Variants in MYO5B observed in about 807,000 individuals in gnomAD.
MYO5B encodes the protein myosin VB, also known as unconventional myosin-Vb.
A neutral mutation model predicts 229.3 loss-of-function variants in MYO5B; 143 were observed. The observed-to-expected ratio is 0.62, with a 90% CI of 0.54 to 0.72. The LOEUF is 0.72. MYO5B is among the 30% of genes least tolerant of loss of function. The pLI is 0.00. For missense variants in MYO5B, 2,321 were observed against 2,331.0 expected, an observed-to-expected ratio of 1.00 and a Z score of 0.09; for synonymous variants, 918 against 885.2, an observed-to-expected ratio of 1.04 and a Z score of -0.66.
intron 1 of MYO5B, among the ~76,000 whole-genome samples, chr18:50,133,250 T>C (rs914496060): frequency 1.5e-5 from 2 of 136,494 alleles, no homozygotes; most frequent in Non-Finnish European, 3.2e-5. Context: ...ATTTTTGTTC[T>C]CTGTCTTCTC....
intron 1 of MYO5B, among the ~76,000 whole-genome samples, chr18:50,075,958 G>A (rs2031068791): frequency 6.6e-6 from 1 of 152,214 alleles, no homozygotes; most frequent in South Asian, 2.1e-4. Flanking sequence ...AGAAGGGCTG[G>A]ACTTTGATTC....
intron 1 of MYO5B, among the ~76,000 whole-genome samples, chr18:50,150,625 T>C (rs142507091): frequency 0.02 from 3,013 of 152,160 alleles, 92 homozygotes; most frequent in African/African-American, 0.069. Flanking sequence ...TAGGTGGGAA[T>C]TGAACAATGG....
chr18:50,085,111 ATT>A (rs1568100543), intron 1 of MYO5B, among the ~76,000 whole-genome samples: 1 of 152,202 alleles, frequency 6.6e-6, no homozygotes, highest in Non-Finnish European at 1.5e-5. Context: ...AGAAACTACC[ATT>A]GGAGTGAACA....
At chr18:50,104,527 T>C (rs939742209) in intron 1 of MYO5B, among the ~76,000 whole-genome samples, 2 of 151,394 alleles carry the variant, frequency 1.3e-5, no homozygotes, top group Non-Finnish European at 2.9e-5. Context: ...TTGTTCACTG[T>C]CATGATGATT....
intron 14 of MYO5B, among the ~76,000 whole-genome samples, chr18:49,950,689 T>C (rs1032270526): frequency 2.6e-5 from 4 of 152,150 alleles, no homozygotes; most frequent in African/African-American, 9.7e-5. Context: ...TTCTGACCCA[T>C]CAAAAGATGG....
intron 1 of MYO5B, among the ~76,000 whole-genome samples, chr18:50,107,480 A>G (rs1483313230): frequency 3.9e-5 from 6 of 152,156 alleles, no homozygotes; most frequent in Non-Finnish European, 1.5e-5. Context: ...TTGAGCTTCA[A>G]TTAAGATTGT....
intron 1 of MYO5B, among the ~76,000 whole-genome samples, chr18:50,152,864 TA>T (rs67858852): frequency 0.52 from 65,302 of 125,208 alleles, 16,471 homozygotes; most frequent in East Asian, 0.56. Context: ...TTCTCAAAAC[TA>T]AAAAAAAAAA....
chr18:50,181,945 G>A (rs769804878), intron 1 of MYO5B, among the ~76,000 whole-genome samples: 10 of 152,174 alleles, frequency 6.6e-5, no homozygotes, highest in Non-Finnish European at 1.2e-4. Context: ...GATGGGATAA[G>A]ATAAGGCAAT....
intron 14 of MYO5B, among the ~76,000 whole-genome samples, chr18:49,941,453 G>A (rs1433549919): frequency 1.3e-5 from 2 of 152,260 alleles, no homozygotes; most frequent in South Asian, 2.1e-4. Flanking sequence ...GGGCATGGAA[G>A]GGATAATCCT....
At chr18:50,077,271 C>T (rs559385770) in intron 1 of MYO5B, among the ~76,000 whole-genome samples, 5 of 150,790 alleles carry the variant, frequency 3.3e-5, no homozygotes, top group African/African-American at 1.2e-4. Context: ...CTAACGTCTG[C>T]TCTATGCGTT....
At chr18:49,995,251 T>C (rs550696123) in intron 5 of MYO5B, among the ~76,000 whole-genome samples, 4 of 118,836 alleles carry the variant, frequency 3.4e-5, no homozygotes, top group African/African-American at 1.3e-4. Context: ...AATCCTCACT[T>C]ATATCCTTTT....
chr18:49,877,076 G>A (rs1472156868), intron 25 of MYO5B, among the ~76,000 whole-genome samples: 1 of 152,174 alleles, frequency 6.6e-6, no homozygotes, highest in Non-Finnish European at 1.5e-5. Context: ...TTTTTATTCT[G>A]TCTCTCCTCC....
intron 18 of MYO5B, among the ~76,000 whole-genome samples, chr18:49,910,119 T>TCC (rs1316559642): frequency 6.6e-6 from 1 of 152,056 alleles, no homozygotes; most frequent in East Asian, 1.9e-4. Flanking sequence ...GCAGGCAGGC[T>TCC]CCCCGTCAGT....
intron 2 of MYO5B, among the ~76,000 whole-genome samples, chr18:50,048,779 T>C (rs1360159945): frequency 6.6e-6 from 1 of 151,880 alleles, no homozygotes; most frequent in Admixed American, 6.6e-5. Context: ...TCCCAGCACT[T>C]TGGGAGGCAG....
chr18:49,837,656 CTG>C lies in MYO5B; in HGVS notation c.4997_4998del (p.Thr1666SerfsTer4), dbSNP rs1449837008. ...AIIRQMNAFHTVMCDQGLDPE... is the reference protein window; with the variant it reads ...AIIRQMNAFHXVMCDQGLDPE... ...GGGTCCAAGCCCTGGTCACACATGA[CTG>C]TATGAAAGGCATTCATCTGGCGGAT... is the stretch of plus-strand genomic sequence containing the variant. On this transcript the variant is annotated frameshift_variant, in exon 37 of 40. Coordinates refer to ENST00000285039, the MANE Select transcript of MYO5B (RefSeq NM_001080467.3). LOFTEE classifies it high-confidence loss of function. 6.2e-7 allele frequency: 1 copy of C among 1,613,942 alleles called. No homozygotes were observed. The highest frequency in any genetic ancestry group is 8.5e-7 in the Non-Finnish European group (1 of 1,179,916).
At chr18:50,019,999 G>A (rs144068561) in intron 4 of MYO5B, among the ~76,000 whole-genome samples, 1 of 152,178 alleles carries the variant, frequency 6.6e-6, no homozygotes, top group African/African-American at 2.4e-5. Context: ...ACACACTGAT[G>A]GCTGTGTCTT....
At chr18:50,087,587 A>AAAG (rs2031358613) in intron 1 of MYO5B, among the ~76,000 whole-genome samples, 1 of 151,692 alleles carries the variant, frequency 6.6e-6, no homozygotes, top group African/African-American at 2.4e-5. Flanking sequence ...AAAAAAAAAA[A>AAAG]AAGAATAAAA....
chr18:50,030,472 TC>T (rs1463882179), intron 4 of MYO5B, among the ~76,000 whole-genome samples: 3 of 152,138 alleles, frequency 2.0e-5, no homozygotes, highest in African/African-American at 7.2e-5. Context: ...CGATGGACAC[TC>T]ATTTCCATAC....
At chr18:50,035,442 G>C (rs766763315) in intron 4 of MYO5B, among the ~76,000 whole-genome samples, 1 of 151,288 alleles carries the variant, frequency 6.6e-6, no homozygotes, top group African/African-American at 2.4e-5. Flanking sequence ...GTTCTCACAT[G>C]AAGTGCATGT....
Sources: allele counts gnomAD v4.1 joint callset (sites outside exome capture counted in the v4.1 genomes callset), GRCh38; gene constraint gnomAD v4.1.1; transcripts MANE v1.5; gene names NCBI Gene and HGNC (gene_info 2026-07-23, HGNC 2026-07-21).